Variants in MSH3 observed in about 807,000 individuals in gnomAD.
MSH3 encodes DNA mismatch repair protein Msh3.
Under a neutral mutation model 123.3 loss-of-function variants are expected in MSH3, and 106 were observed. The observed-to-expected ratio is 0.86, with a 90% CI of 0.73 to 1.01. The LOEUF is 1.01. Among genes scored for constraint, MSH3 ranks in the 50% least tolerant of loss-of-function variants. The probability of loss-of-function intolerance (pLI) is 0.00; values close to 1 mark genes in which losing one functional copy is unlikely to be tolerated. For missense variants in MSH3, 1,459 were observed against 1,347.6 expected (o/e 1.08, Z -1.29); for synonymous variants, 515 against 481.4 (o/e 1.07, Z -0.91).
chr5:80,767,139 C>A (rs1744136966), intron 13 of MSH3, among the ~76,000 whole-genome samples: 1 of 152,048 alleles, frequency 6.6e-6, no homozygotes, highest in African/African-American at 2.4e-5. Context: ...AATTGATGGA[C>A]ATTTATTTCT....
chr5:80,816,262 A>C (rs901443620), intron 20 of MSH3, among the ~76,000 whole-genome samples: 1 of 142,782 alleles, frequency 7.0e-6, no homozygotes, highest in African/African-American at 2.6e-5. Context: ...AATGAAGGCT[A>C]TATGCAAGAT....
At chr5:80,672,893 G>A (rs751322507) in intron 6 of MSH3, 35 bp downstream of exon 6, 1 of 1,466,466 alleles carries the variant, frequency 6.8e-7, no homozygotes, top group South Asian at 1.1e-5. Flanking sequence ...TCTCTTAAAT[G>A]ATACAAGGGC....
intron 20 of MSH3, among the ~76,000 whole-genome samples, chr5:80,839,665 A>G (rs556023295): frequency 6.6e-6 from 1 of 152,374 alleles, no homozygotes; most frequent in African/African-American, 2.4e-5. Context: ...CCACATGACC[A>G]TAATCCTCCT....
At chr5:80,664,607 T>C (rs1749521497) in intron 2 of MSH3, among the ~76,000 whole-genome samples, 1 of 152,188 alleles carries the variant, frequency 6.6e-6, no homozygotes, top group African/African-American at 2.4e-5. Context: ...TGGAGTATGG[T>C]AGGGGTTTAG....
At chr5:80,815,104 T>C (rs947464167) in intron 20 of MSH3, among the ~76,000 whole-genome samples, 6 of 152,220 alleles carry the variant, frequency 3.9e-5, no homozygotes, top group East Asian at 1.9e-4. Context: ...CATGCTAATA[T>C]TGATATTCTT....
intron 3 of MSH3, among the ~76,000 whole-genome samples, chr5:80,668,261 G>A (rs904441305): frequency 1.3e-5 from 2 of 152,160 alleles, no homozygotes; most frequent in African/African-American, 2.4e-5. Flanking sequence ...TGCCATGGGC[G>A]GGCTCAGAAA....
chr5:80,677,248 G>A (rs1349013659), intron 7 of MSH3, among the ~76,000 whole-genome samples: 1 of 152,132 alleles, frequency 6.6e-6, no homozygotes, highest in Admixed American at 6.5e-5. Context: ...AATTCAAAGG[G>A]CTTTGCTGTT....
chr5:80,818,683 A>T (rs1268165682), intron 20 of MSH3, among the ~76,000 whole-genome samples: 1 of 152,220 alleles, frequency 6.6e-6, no homozygotes, highest in Non-Finnish European at 1.5e-5. Flanking sequence ...TACTTTAGTG[A>T]TACATGCTAA....
chr5:80,792,035 G>A (rs1744615091), intron 18 of MSH3, among the ~76,000 whole-genome samples: 1 of 152,138 alleles, frequency 6.6e-6, no homozygotes, highest in Admixed American at 6.6e-5. Context: ...AAAGACCGTA[G>A]AAAGATGTTT....
intron 8 of MSH3, among the ~76,000 whole-genome samples, chr5:80,713,553 C>T (rs573854699): frequency 2.6e-5 from 4 of 152,258 alleles, no homozygotes; most frequent in South Asian, 4.2e-4. Context: ...GAGGCTTCAG[C>T]CCCACAGCAC....
chr5:80,760,217 T>G (rs1237047026), intron 12 of MSH3, among the ~76,000 whole-genome samples: 1 of 152,208 alleles, frequency 6.6e-6, no homozygotes, highest in Non-Finnish European at 1.5e-5. Context: ...ATTTATTCAT[T>G]CATTCATTTA....
rs373680329 is a variant in MSH3 at position 80,679,049 on chromosome 5, G to T, written c.1296G>T (p.Leu432Phe). 3.4e-5 allele frequency: 55 copies of T among 1,613,958 alleles called. No homozygotes were observed. Among genetic ancestry groups the T allele is most frequent in the Non-Finnish European group, 3.6e-5 (42 of 1,180,020 alleles). ...QPVELLLPSALSEQTEALIHR... is the reference protein window; with the variant it reads ...QPVELLLPSAFSEQTEALIHR... ...TAGAGCTGCTGCTTCCTTCGGCCTTGTCCGAGCAAACAGAGGCGCTCATCC... is the reference window on the plus strand; with the variant it reads ...TAGAGCTGCTGCTTCCTTCGGCCTTTTCCGAGCAAACAGAGGCGCTCATCC... The change falls in exon 8 of 24, where the codon TTG becomes TTT. Residue 432 changes from leucine (L) to phenylalanine (F), a missense_variant. Physicochemically the swap from Leu to Phe is conservative, Grantham distance 22 (BLOSUM62 0). Transcript: ENST00000265081.
chr5:80,722,578 C>T (rs917118791), intron 8 of MSH3, among the ~76,000 whole-genome samples: 4 of 152,156 alleles, frequency 2.6e-5, no homozygotes, highest in African/African-American at 9.7e-5. Flanking sequence ...TGATGCTGGG[C>T]CGGGCCCCAC....
intron 15 of MSH3, among the ~76,000 whole-genome samples, chr5:80,773,500 G>T (rs904956628): frequency 4.6e-5 from 7 of 152,102 alleles, no homozygotes; most frequent in African/African-American, 1.7e-4. Context: ...AAATTTTTTA[G>T]ATTAGCCACT....
intron 8 of MSH3, among the ~76,000 whole-genome samples, chr5:80,705,023 T>G (rs1205166753): frequency 6.6e-6 from 1 of 152,188 alleles, no homozygotes; most frequent in Non-Finnish European, 1.5e-5. Context: ...GTTTCCCCAT[T>G]CAAAAACAAG....
intron 20 of MSH3, among the ~76,000 whole-genome samples, chr5:80,814,313 C>T (rs1745063748): frequency 2.0e-5 from 3 of 151,754 alleles, no homozygotes; most frequent in South Asian, 4.1e-4. Context: ...CTCTCGTTTC[C>T]TAGGCCAGAG....
rs1185709861 is a variant in MSH3, at chr5:80,848,995, A to G, written c.2814-5135A>G. Among the ~76,000 whole-genome samples, 7 of 152,202 alleles carry G rather than the reference A, an allele frequency of 4.6e-5. 1 individual carries two copies. Among genetic ancestry groups the G allele is most frequent in the South Asian group, 2.1e-4 (1 of 4,828 alleles). ...CTGTAAAATCAAAAGCTAGTTAGTT[A>G]CTTCCTAAATACAATGGGGGTACAG... On this transcript the variant is annotated intron_variant, in intron 20 of 23. Transcript: ENST00000265081.
chr5:80,819,376 ATGTGTATATATGTATATATG>A (rs1334388840), intron 20 of MSH3, among the ~76,000 whole-genome samples: 4 of 13,436 alleles, frequency 3.0e-4, no homozygotes, highest in South Asian at 4.3e-3. Flanking sequence ...GTGTATATAT[ATGTGTATATATGTATATATG>A]TGTATATATG....
intron 19 of MSH3, among the ~76,000 whole-genome samples, chr5:80,796,908 G>A (rs561368352): frequency 1.4e-4 from 22 of 152,220 alleles, no homozygotes; most frequent in Non-Finnish European, 2.5e-4. Flanking sequence ...CTTCTGGAAC[G>A]TGCCATGCCA....
Sources: gnomAD v4.1 joint callset for allele counts (sites outside exome capture counted in the v4.1 genomes callset) on GRCh38, gnomAD v4.1.1 for gene constraint, MANE v1.5 for transcripts, NCBI Gene and HGNC (gene_info 2026-07-23, HGNC 2026-07-21) for gene names.